The following REXO5 variants were observed in gnomAD, a reference collection of about 807,000 sequenced individuals.
REXO5 encodes RNA exonuclease 5, also known as exonuclease NEF-sp.
In REXO5, 48 loss-of-function variants were observed where a neutral mutation model predicts 88.5. That is an observed-to-expected ratio of 0.54 (90% CI 0.43 to 0.69). The LOEUF (loss-of-function observed/expected upper bound fraction) is 0.69, where lower values mean the gene tolerates loss of function less well. Among genes scored for constraint, REXO5 ranks in the 30% least tolerant of loss-of-function variants. The probability of loss-of-function intolerance (pLI) is 0.00; values close to 1 mark genes in which losing one functional copy is unlikely to be tolerated. For missense variants in REXO5, 749 were observed against 912.2 expected (o/e 0.82, Z 2.30); for synonymous variants, 311 against 336.5 (o/e 0.92, Z 0.83).
chr16:20,831,947 C>A (rs1340455043), intron 11 of REXO5, among the ~76,000 whole-genome samples: 1 of 152,286 alleles, frequency 6.6e-6, no homozygotes, highest in East Asian at 1.9e-4. Flanking sequence ...TAACAGATTG[C>A]CGGTCTTGGC....
Position 20,827,215 on chromosome 16 carries a change from A to G in REXO5, c.960+19A>G, listed in dbSNP as rs200187140. The G allele has an allele frequency of 6.8e-6, 11 of 1,613,884 alleles. No homozygotes were observed. Among genetic ancestry groups the G allele is most frequent in the Admixed American group, 1.7e-5 (1 of 60,002 alleles). On this transcript the variant is annotated intron_variant, in intron 9 of 19. Coordinates refer to ENST00000261377, the MANE Select transcript of REXO5 (RefSeq NM_030941.3). ...ACTGAAAGTGAGTATCTGATTTAGGACTTTGCATTTTCAGTATAAATGCCT... is the reference window on the plus strand; with the variant it reads ...ACTGAAAGTGAGTATCTGATTTAGGGCTTTGCATTTTCAGTATAAATGCCT...
Position 20,824,474 on chromosome 16 carries a change from T to C in REXO5, c.652T>C (p.Cys218Arg), listed in dbSNP as rs755351367. The C allele has an allele frequency of 4.3e-6, 7 of 1,611,428 alleles. No individual in the cohort carries two copies. Among genetic ancestry groups the C allele is most frequent in the Non-Finnish European group, 5.1e-6 (6 of 1,178,116 alleles). The change falls in exon 7 of 20, where the codon TGT becomes CGT. Residue 218 changes from cysteine (C) to arginine (R), a missense_variant. Cys to Arg is a radical substitution (Grantham distance 180). Transcript: ENST00000261377. The part of the protein sequence containing the change: ...PDCENFLLTK[C>R]NGSIADNSPL... Reference sequence around the variant, plus strand: ...TTGTGAAAACTTTTTACTTACCAAATGTAATGGTTCTATAGCAGACAATAG... The same window carrying C: ...TTGTGAAAACTTTTTACTTACCAAACGTAATGGTTCTATAGCAGACAATAG...
At chr16:20,840,526 T>A (rs2081510469) in intron 15 of REXO5, 58 bp downstream of exon 15, 1 of 1,420,624 alleles carries the variant, frequency 7.0e-7, no homozygotes, top group African/African-American at 1.4e-5. Flanking sequence ...TTCAGGTGAC[T>A]GCTTGGGCCA....
intron 8 of REXO5, among the ~76,000 whole-genome samples, chr16:20,826,404 A>G (rs900369531): frequency 6.6e-6 from 1 of 152,256 alleles, no homozygotes; most frequent in Non-Finnish European, 1.5e-5. Context: ...AAAGATTAGC[A>G]TGTAATCTCA....
intron 13 of REXO5, among the ~76,000 whole-genome samples, chr16:20,837,684 C>G (rs1197222450): frequency 6.6e-6 from 1 of 152,042 alleles, no homozygotes; most frequent in African/African-American, 2.4e-5. Context: ...TTAACTGTAT[C>G]CTTTAGCCCC....
chr16:20,846,693 A>G (rs1324983566), intron 19 of REXO5, among the ~76,000 whole-genome samples: 1 of 152,184 alleles, frequency 6.6e-6, no homozygotes, highest in Non-Finnish European at 1.5e-5. Flanking sequence ...CATGTGAGGA[A>G]TGTGTTCCTG....
At chr16:20,813,122 T>C in intron 2 of REXO5, 68 bp from the exon 3 acceptor site, 1 of 1,037,178 alleles carries the variant, frequency 9.6e-7, no homozygotes, top group Non-Finnish European at 1.5e-6. Flanking sequence ...GCTAGAATAA[T>C]TTAACTTGCT....
At chr16:20,819,014 A>C (rs118082595) in intron 5 of REXO5, among the ~76,000 whole-genome samples, 1,938 of 152,276 alleles carry the variant, frequency 0.013, 25 homozygotes, top group Non-Finnish European at 0.018. Context: ...TATAAGTGAG[A>C]ACATGGTGTT....
At chr16:20,842,640 A>G (rs956164295) in intron 15 of REXO5, among the ~76,000 whole-genome samples, 1 of 151,782 alleles carries the variant, frequency 6.6e-6, no homozygotes, top group African/African-American at 2.4e-5. Flanking sequence ...ATTTTTTGTA[A>G]GACAGGGTCT....
At chr16:20,832,086 T>G in intron 11 of REXO5, 70 bp from the exon 12 acceptor site, 1 of 1,052,638 alleles carries the variant, frequency 9.5e-7, no homozygotes, top group South Asian at 1.4e-5. Context: ...TGTTGCTTTT[T>G]GTTTTGTATT....
chr16:20,831,522 A>G (rs1034108152), intron 11 of REXO5, among the ~76,000 whole-genome samples: 1 of 152,188 alleles, frequency 6.6e-6, no homozygotes, highest in Admixed American at 6.5e-5. Flanking sequence ...AATAGGTAAA[A>G]ATGGAGGTAT....
chr16:20,824,065 T>A (rs1242663478), intron 6 of REXO5, among the ~76,000 whole-genome samples: 1 of 152,228 alleles, frequency 6.6e-6, no homozygotes, highest in Non-Finnish European at 1.5e-5. Context: ...CCACATACAG[T>A]TATTTGCATA....
At chr16:20,826,988 T>A (rs2081268659) in intron 8 of REXO5, 70 bp from the exon 9 acceptor site, 2 of 1,506,702 alleles carry the variant, frequency 1.3e-6, no homozygotes, top group Non-Finnish European at 9.0e-7. Context: ...ATGTTATTTT[T>A]AAAATCACTT....
intron 2 of REXO5, among the ~76,000 whole-genome samples, chr16:20,809,051 A>G (rs1027655661): frequency 1.3e-5 from 2 of 151,988 alleles, no homozygotes; most frequent in Admixed American, 1.3e-4. Context: ...TTAAAGTGGG[A>G]TTCCAGTTTT....
intron 5 of REXO5, chr16:20,821,080 G>A (rs1295568447): frequency 6.6e-6 from 1 of 152,210 alleles, no homozygotes; most frequent in African/African-American, 2.4e-5. Context: ...GGTGGCTGAG[G>A]GTGGAGTATA....
At chr16:20,847,350 C>T (rs1462453798) in intron 19 of REXO5, among the ~76,000 whole-genome samples, 3 of 150,290 alleles carry the variant, frequency 2.0e-5, no homozygotes, top group African/African-American at 2.4e-5. Context: ...GCACGAGAAT[C>T]ACTTGAACCC....
intron 14 of REXO5, chr16:20,840,074 C>T (rs1421609700): frequency 5.5e-6 from 3 of 542,722 alleles, no homozygotes; most frequent in Non-Finnish European, 9.7e-6. Context: ...GTATATCATA[C>T]ATCTTTCTGT....
Position 20,806,569 on chromosome 16 carries a change from C to G in REXO5, c.-139C>G, listed in dbSNP as rs886879247. 6.8e-7 allele frequency: 1 copy of G among 1,474,454 alleles called. No homozygotes were observed. The highest frequency in any genetic ancestry group is 1.4e-5 in the African/African-American group (1 of 70,978). The allele number at this position is 1,474,454 out of a possible 1,614,324, so 91.3% of individuals were successfully genotyped here. ...CTAAGGAGGGGAGAACCTCTGCTCC[C>G]CGCCCGTCTTCTCTTCTGCGTTTCC... On this transcript the variant is annotated 5_prime_UTR_variant, in exon 1 of 20. Transcript: ENST00000261377.
Position 20,827,372 on chromosome 16 carries a change from T to C in REXO5, c.980T>C (p.Ile327Thr). The change falls in exon 10 of 20, where the codon ATT becomes ACT. Residue 327 changes from isoleucine (I) to threonine (T), a missense_variant. Ile to Thr is a moderately conservative substitution (Grantham distance 89, BLOSUM62 -1). Transcript: ENST00000261377. The stretch of plus-strand genomic sequence containing the variant: ...CCTCAGATGATACATCCATATGTTA[T>C]TGATACATCGTTGCTTTATGTCAGA... ...RALKMIHPYV[I>T]DTSLLYVREQ... 1 of 1,613,340 alleles carries C rather than the reference T, an allele frequency of 6.2e-7. No individual in the cohort carries two copies. The highest frequency in any genetic ancestry group is 8.5e-7 in the Non-Finnish European group (1 of 1,179,526).
Sources: gnomAD v4.1 joint callset for allele counts (sites outside exome capture counted in the v4.1 genomes callset) on GRCh38, gnomAD v4.1.1 for gene constraint, MANE v1.5 for transcripts, NCBI Gene and HGNC (gene_info 2026-07-23, HGNC 2026-07-21) for gene names.